Variants in POU6F2 observed in about 807,000 individuals in gnomAD.
POU6F2 encodes POU domain, class 6, transcription factor 2.
In POU6F2, 31 loss-of-function variants were observed where a neutral mutation model predicts 71.3. The ratio of observed to expected loss-of-function variants is 0.43; its 90% CI spans 0.33 to 0.59. The LOEUF (loss-of-function observed/expected upper bound fraction) is 0.59. Among genes scored for constraint, POU6F2 ranks in the 20% least tolerant of loss-of-function variants. The pLI, the probability that POU6F2 is intolerant of heterozygous loss-of-function variation, is 0.04. For synonymous variants in POU6F2, 347 were observed against 355.7 expected (o/e 0.98, Z 0.27); for missense variants, 783 against 856.8 (o/e 0.91, Z 1.07).
chr7:39,163,639 C>T (rs891169274), intron 2 of POU6F2, among the ~76,000 whole-genome samples: 1 of 152,102 alleles, frequency 6.6e-6, no homozygotes, highest in East Asian at 1.9e-4. Context: ...TAAAATTTAA[C>T]GGTTAAAGCA....
chr7:39,345,707 T>C (rs1049087652), intron 5 of POU6F2, among the ~76,000 whole-genome samples: 4 of 152,192 alleles, frequency 2.6e-5, no homozygotes, highest in African/African-American at 7.2e-5. Context: ...TTTGGAAAAC[T>C]GGAAGAATCC....
chr7:39,065,874 GAC>G (rs1790743739), intron 1 of POU6F2, among the ~76,000 whole-genome samples: 1 of 151,508 alleles, frequency 6.6e-6, no homozygotes, highest in East Asian at 1.9e-4. Flanking sequence ...ATTTTCAAAA[GAC>G]ACATATTCTT....
At chr7:39,238,072 A>G (rs1406895140) in intron 4 of POU6F2, among the ~76,000 whole-genome samples, 1 of 152,160 alleles carries the variant, frequency 6.6e-6, no homozygotes, top group Admixed American at 6.5e-5. Context: ...AGATGTCTGC[A>G]TGTAATTTCA....
At chr7:39,191,414 C>T (rs1793661436) in intron 2 of POU6F2, among the ~76,000 whole-genome samples, 2 of 150,784 alleles carry the variant, frequency 1.3e-5, no homozygotes. Context: ...CAATTCTGAC[C>T]CTAAAGTTCT....
chr7:39,166,064 A>G (rs17511572), intron 2 of POU6F2, among the ~76,000 whole-genome samples: 62,656 of 152,052 alleles, frequency 0.41, 13,372 homozygotes, highest in East Asian at 0.75. Context: ...ATACCTGTTC[A>G]TGTTCATCTT....
chr7:39,005,594 C>G (rs1789042760), intron 1 of POU6F2, among the ~76,000 whole-genome samples: 1 of 147,776 alleles, frequency 6.8e-6, no homozygotes, highest in South Asian at 2.2e-4. Flanking sequence ...TAGCCGCACG[C>G]TATCTTGACC....
intron 5 of POU6F2, among the ~76,000 whole-genome samples, chr7:39,353,745 G>A (rs1786193538): frequency 6.6e-6 from 1 of 152,028 alleles, no homozygotes; most frequent in Admixed American, 6.5e-5. Context: ...CTCCCCAAAG[G>A]TGATGGACTG....
chr7:39,018,695 C>A (rs702819), intron 1 of POU6F2, among the ~76,000 whole-genome samples: 150,357 of 152,288 alleles, frequency 0.99, 74,256 homozygotes, highest in East Asian at 1. Flanking sequence ...CCAATGTTTC[C>A]AATAATCACT....
chr7:39,132,355 A>G (rs183079714), intron 2 of POU6F2: 1 of 152,206 alleles, frequency 6.6e-6, no homozygotes, highest in Admixed American at 6.5e-5. Flanking sequence ...CTAATTTTTT[A>G]TCTCTTCATC....
chr7:39,464,355 T>C lies in POU6F2; in HGVS notation c.1832T>C (p.Met611Thr). The change falls in exon 10 of 10, where the codon ATG (methionine) becomes ACG (threonine). Residue 611 changes from methionine (M) to threonine (T), a missense_variant. By Grantham distance (81) the Met-to-Thr change is moderately conservative. Transcript: ENST00000518318. This position sits in a 1 kb window ranked among gnomAD's most constrained non-coding sequence, Gnocchi z 4.1. Reference protein sequence around the residue: ...QKIKPVLERWMAEAEARHRAG... With the variant: ...QKIKPVLERWTAEAEARHRAG... The stretch of plus-strand genomic sequence containing the variant: ...ATCAAGCCGGTGCTTGAGCGGTGGA[T>C]GGCTGAGGCTGAGGCCCGCCATCGA... 1 of 1,614,014 alleles carries C rather than the reference T, an allele frequency of 6.2e-7. No homozygotes were observed. Among genetic ancestry groups the C allele is most frequent in the Admixed American group, 1.7e-5 (1 of 60,028 alleles).
At chr7:38,997,531 TTC>T (rs1412949252) in intron 1 of POU6F2, among the ~76,000 whole-genome samples, 2 of 152,226 alleles carry the variant, frequency 1.3e-5, no homozygotes, top group Non-Finnish European at 2.9e-5. Flanking sequence ...GGCATCCACA[TTC>T]TGTTTTCTTT....
intron 4 of POU6F2, among the ~76,000 whole-genome samples, chr7:39,277,394 G>A (rs4357192): frequency 0.48 from 73,125 of 151,948 alleles, 19,121 homozygotes; most frequent in East Asian, 0.68. Context: ...TCCAGCCCTT[G>A]CCCCCCTCCC....
At chr7:39,179,693 G>A (rs1001946506) in intron 2 of POU6F2, among the ~76,000 whole-genome samples, 1 of 152,218 alleles carries the variant, frequency 6.6e-6, no homozygotes, top group Admixed American at 6.5e-5. Context: ...GAGTAGGAGA[G>A]ATGGAGAGCA....
At chr7:39,235,181 C>T (rs1794652607) in intron 4 of POU6F2, among the ~76,000 whole-genome samples, 1 of 152,158 alleles carries the variant, frequency 6.6e-6, no homozygotes, top group Admixed American at 6.5e-5. Context: ...CTACCTGCTG[C>T]TCACATGCTC....
At chr7:39,414,641 C>T (rs577289805) in intron 6 of POU6F2, among the ~76,000 whole-genome samples, 2 of 152,230 alleles carry the variant, frequency 1.3e-5, no homozygotes, top group Admixed American at 6.5e-5. Context: ...GCAGAAGCGC[C>T]GGGCTGTGCG....
intron 5 of POU6F2, among the ~76,000 whole-genome samples, chr7:39,363,540 C>T (rs983697996): frequency 7.3e-5 from 11 of 150,622 alleles, no homozygotes; most frequent in African/African-American, 2.5e-4. Flanking sequence ...AAGCCAGAGG[C>T]CTGGATAAGA....
chr7:39,058,077 C>G (rs1450494349), intron 1 of POU6F2, among the ~76,000 whole-genome samples: 3 of 152,210 alleles, frequency 2.0e-5, no homozygotes, highest in Admixed American at 6.5e-5. Context: ...CTCTCCTGCT[C>G]CAGCTCTTAG....
At chr7:38,980,750 G>C (rs1788296733) in intron 1 of POU6F2, among the ~76,000 whole-genome samples, 1 of 151,928 alleles carries the variant, frequency 6.6e-6, no homozygotes, top group Non-Finnish European at 1.5e-5. Context: ...ATGGCTTTGG[G>C]TTGGAGGAGC....
intron 8 of POU6F2, 41 bp downstream of exon 8, chr7:39,451,742 T>C (rs1203890913): frequency 6.6e-7 from 1 of 1,513,756 alleles, no homozygotes; most frequent in Non-Finnish European, 9.0e-7. Flanking sequence ...GTGGTGGCCT[T>C]CTTGTTGCCT....
Sources: gnomAD v4.1 joint callset for allele counts (sites outside exome capture counted in the v4.1 genomes callset) on GRCh38, gnomAD v4.1.1 for gene constraint, Gnocchi (gnomAD v3.1) non-coding constraint, MANE v1.5 for transcripts, NCBI Gene and HGNC (gene_info 2026-07-23, HGNC 2026-07-21) for gene names.